Variants in KIAA1958 observed in about 807,000 individuals in gnomAD.
KIAA1958 encodes the protein KIAA1958, also known as uncharacterized protein KIAA1958.
KIAA1958 carries 14 observed loss-of-function variants against 47.2 expected under a neutral mutation model. The ratio of observed to expected loss-of-function variants is 0.30; its 90% confidence interval spans 0.20 to 0.46. The LOEUF (loss-of-function observed/expected upper bound fraction) is 0.46. KIAA1958 is among the 20% of genes least tolerant of loss of function. KIAA1958 has a pLI of 1.00. For missense variants in KIAA1958, 803 were observed against 909.2 expected (o/e 0.88, Z 1.50); for synonymous variants, 354 against 353.3 (o/e 1.00, Z -0.02).
chr9:112,501,148 T>C (rs982366516), intron 1 of KIAA1958, among the ~76,000 whole-genome samples: 11 of 147,778 alleles, frequency 7.4e-5, no homozygotes, highest in African/African-American at 1.7e-4. Flanking sequence ...CTCAAAAAAC[T>C]TTTTTTTTTC....
chr9:112,667,706 G>A lies in KIAA1958; in HGVS notation c.*7637G>A, dbSNP rs556393724. ...TGTGAGGGGGAAAAGTTGTGACTTTGGAATTTTATACATATTTTATATGTT... is the reference window on the plus strand; with the variant it reads ...TGTGAGGGGGAAAAGTTGTGACTTTAGAATTTTATACATATTTTATATGTT... On this transcript the variant is annotated 3_prime_UTR_variant, in exon 4 of 4. Transcript: ENST00000337530. The A allele has an allele frequency of 6.6e-6, 1 of 152,230 alleles. No individual in the cohort carries two copies. The highest frequency in any genetic ancestry group is 1.5e-5 in the Non-Finnish European group (1 of 68,012). 9.4% of individuals were successfully genotyped at this position (152,230 alleles called of 1,614,324 possible).
intron 2 of KIAA1958, among the ~76,000 whole-genome samples, chr9:112,624,323 C>T (rs1186443460): frequency 6.6e-6 from 1 of 152,226 alleles, no homozygotes; most frequent in Non-Finnish European, 1.5e-5. Flanking sequence ...AGGGCATCCT[C>T]AATCGTTGTT....
intron 1 of KIAA1958, among the ~76,000 whole-genome samples, chr9:112,513,406 C>T (rs1299534940): frequency 1.3e-5 from 2 of 148,646 alleles, no homozygotes; most frequent in African/African-American, 5.0e-5. Flanking sequence ...CAGGGGAGAG[C>T]GAGCCAAGAT....
intron 2 of KIAA1958, among the ~76,000 whole-genome samples, chr9:112,594,596 AG>A (rs1835984944): frequency 6.6e-6 from 1 of 152,198 alleles, no homozygotes; most frequent in East Asian, 1.9e-4. Flanking sequence ...CCTCATACAC[AG>A]ATACATCACA....
At chr9:112,625,192 GTGCAGTGGCACAATCAAGACTCAC>G (rs1836587345) in intron 2 of KIAA1958, among the ~76,000 whole-genome samples, 1 of 152,116 alleles carries the variant, frequency 6.6e-6, no homozygotes. Context: ...CCAGGCTGGA[GTGCAGTGGCACAATCAAGACTCAC>G]TGCAGTGGCA....
At chr9:112,614,441 G>A (rs947594888) in intron 2 of KIAA1958, among the ~76,000 whole-genome samples, 1 of 152,118 alleles carries the variant, frequency 6.6e-6, no homozygotes, top group Admixed American at 6.5e-5. Context: ...TAAAAGGAAT[G>A]GGTCAGAAAA....
chr9:112,564,309 A>G (rs562424598), intron 1 of KIAA1958, among the ~76,000 whole-genome samples: 1 of 152,272 alleles, frequency 6.6e-6, no homozygotes, highest in East Asian at 1.9e-4. Flanking sequence ...TTGTAGGCAT[A>G]TAGTTACTTA....
rs182260584 is a variant in KIAA1958 at position 112,522,054 on chromosome 9, C to T, written c.-25+34936C>T. ...TGGTGCAATCTTGGCTCACTGCAAC[C>T]TCCGCCTCCCAGGTTCAAGCAATTC... On this transcript the variant is annotated intron_variant, in intron 1 of 3. Coordinates refer to ENST00000337530, the MANE Select transcript of KIAA1958 (RefSeq NM_133465.4). Among the ~76,000 whole-genome samples the T allele has an allele frequency of 5.2e-3, 795 of 152,172 alleles. 10 individuals carry two copies. Among genetic ancestry groups the T allele is most frequent in the African/African-American group, 0.018 (756 of 41,516 alleles).
At chr9:112,557,262 A>G (rs1007920434) in intron 1 of KIAA1958, among the ~76,000 whole-genome samples, 1 of 152,044 alleles carries the variant, frequency 6.6e-6, no homozygotes, top group Non-Finnish European at 1.5e-5. Flanking sequence ...AGCCCCATTC[A>G]GTGTTTCTTG....
Position 112,582,085 on chromosome 9 carries a change from A to G in KIAA1958, c.1171+6834A>G, listed in dbSNP as rs73549717. Reference sequence around the variant, plus strand: ...AGGCATAGGCACTGGTTTCAAGTCTACAGACAGTATCAGGCTTAGGAAAGG... The same window carrying G: ...AGGCATAGGCACTGGTTTCAAGTCTGCAGACAGTATCAGGCTTAGGAAAGG... On this transcript the variant is annotated intron_variant, in intron 2 of 3. Transcript: ENST00000337530. 2.5e-3 allele frequency: 464 copies of G among 187,368 alleles called. 1 individual carries two copies. Among genetic ancestry groups the G allele is most frequent in the African/African-American group, 0.01 (432 of 42,576 alleles). The allele number at this position is 187,368 out of a possible 1,614,324, so 11.6% of individuals were successfully genotyped here.
chr9:112,645,830 A>T lies in KIAA1958; in HGVS notation c.1344+8A>T, dbSNP rs373728954. ...CACACAGACATCACCAAGGTAAGGG[A>T]CTCTTGAGTTTACTTCTTTCAGCCA... On this transcript the variant is annotated splice_region_variant and intron_variant, in intron 3 of 3. Coordinates refer to ENST00000337530, the MANE Select transcript of KIAA1958 (RefSeq NM_133465.4). The T allele has an allele frequency of 6.2e-7, 1 of 1,609,972 alleles. No homozygotes were observed. The highest frequency in any genetic ancestry group is 1.3e-5 in the African/African-American group (1 of 74,748).
chr9:112,603,578 TC>T (rs1164744453), intron 2 of KIAA1958, among the ~76,000 whole-genome samples: 1 of 152,150 alleles, frequency 6.6e-6, no homozygotes, highest in East Asian at 1.9e-4. Flanking sequence ...TTCTCTCTCC[TC>T]TCCCTCTTTC....
At chr9:112,592,577 G>T (rs1209578164) in intron 2 of KIAA1958, among the ~76,000 whole-genome samples, 1 of 152,236 alleles carries the variant, frequency 6.6e-6, no homozygotes, top group African/African-American at 2.4e-5. Context: ...AGAAGTGCCT[G>T]ATACGTAGTC....
At chr9:112,586,451 CTG>C (rs1175561315) in intron 2 of KIAA1958, among the ~76,000 whole-genome samples, 1 of 152,090 alleles carries the variant, frequency 6.6e-6, no homozygotes, top group African/African-American at 2.4e-5. Context: ...GCAGATTGCT[CTG>C]TGTTGTACAA....
chr9:112,519,948 T>C (rs1834508931), intron 1 of KIAA1958, among the ~76,000 whole-genome samples: 1 of 152,206 alleles, frequency 6.6e-6, no homozygotes, highest in East Asian at 1.9e-4. Context: ...TTCCTAATTA[T>C]ACAATATTGC....
At chr9:112,572,528 A>G (rs1011052298) in intron 1 of KIAA1958, among the ~76,000 whole-genome samples, 3 of 152,216 alleles carry the variant, frequency 2.0e-5, no homozygotes, top group Non-Finnish European at 4.4e-5. Flanking sequence ...ACAGTACAGC[A>G]AAGGCAAATC....
intron 1 of KIAA1958, among the ~76,000 whole-genome samples, chr9:112,544,576 G>A (rs1175352808): frequency 6.6e-6 from 1 of 152,174 alleles, no homozygotes; most frequent in African/African-American, 2.4e-5. Flanking sequence ...CTATTTAGGG[G>A]GCAGCCCCCA....
At chr9:112,566,682 C>G (rs570140386) in intron 1 of KIAA1958, among the ~76,000 whole-genome samples, 27 of 152,232 alleles carry the variant, frequency 1.8e-4, no homozygotes, top group Non-Finnish European at 3.7e-4. Context: ...TTTCTTTTCT[C>G]ATTGCCCTAC....
chr9:112,561,753 G>T (rs1046149221), intron 1 of KIAA1958, among the ~76,000 whole-genome samples: 1 of 152,168 alleles, frequency 6.6e-6, no homozygotes, highest in East Asian at 1.9e-4. Flanking sequence ...TACTCAGAAG[G>T]CTGAGGCAGG....
Sources: allele counts gnomAD v4.1 joint callset (sites outside exome capture counted in the v4.1 genomes callset), GRCh38; gene constraint gnomAD v4.1.1; transcripts MANE v1.5; gene names NCBI Gene and HGNC (gene_info 2026-07-23, HGNC 2026-07-21).